MARK4: variants seen among roughly 807,000 people sequenced by gnomAD.
MARK4 encodes the protein MAP/microtubule affinity-regulating kinase 4.
MARK4 carries 19 observed loss-of-function variants against 81.5 expected under a neutral mutation model. That is an observed-to-expected ratio of 0.23 (90% CI 0.16 to 0.34). MARK4 has a LOEUF of 0.34. MARK4 is among the 10% of genes least tolerant of loss of function. The pLI, the probability that MARK4 is intolerant of heterozygous loss-of-function variation, is 1.00. For synonymous variants in MARK4, 436 were observed against 439.0 expected (o/e 0.99, Z 0.08); for missense variants, 772 against 1,058.8 (o/e 0.73, Z 3.76).
rs567213315 is a variant in MARK4, at chr19:45,281,144, A to T, written c.1276+410A>T. ...CTTGGCTGATGGCAACCTCTGCTGC[A>T]CAGGTTCAAGCGATTCTTCTGCCTT... On this transcript the variant is annotated intron_variant, in intron 12 of 16. Transcript: ENST00000262891. Among the ~76,000 whole-genome samples the T allele has an allele frequency of 2.0e-5, 3 of 149,960 alleles. No individual in the cohort carries two copies. The South Asian group carries it at 6.3e-4, about 32-fold the overall frequency.
chr19:45,252,077 G>A lies in MARK4; in HGVS notation c.51+438G>A, dbSNP rs1970250841. Among the ~76,000 whole-genome samples, 3 of 151,828 alleles carry A rather than the reference G, an allele frequency of 2.0e-5. No homozygotes were observed. In the South Asian group the frequency reaches 6.2e-4, roughly 32 times the overall value. ...CAGGGCCTGGCCCAGTCCTGCCTCTGGCTCCGGCCTTCCCTGTCTGGGGCT... is the reference window on the plus strand; with the variant it reads ...CAGGGCCTGGCCCAGTCCTGCCTCTAGCTCCGGCCTTCCCTGTCTGGGGCT... On this transcript the variant is annotated intron_variant, in intron 1 of 16. Transcript: ENST00000262891.
chr19:45,280,481 G>C lies in MARK4; in HGVS notation c.1114G>C (p.Glu372Gln). 6.2e-7 allele frequency: 1 copy of C among 1,614,188 alleles called. No individual in the cohort carries two copies. Among genetic ancestry groups the C allele is most frequent in the Non-Finnish European group, 8.5e-7 (1 of 1,180,030 alleles). The change falls in exon 11 of 17, where the codon GAG becomes CAG. Residue 372 changes from glutamate (E) to glutamine (Q), a missense_variant and splice_region_variant. By Grantham distance (29) the Glu-to-Gln change is conservative. Coordinates refer to ENST00000262891, the MANE Select transcript of MARK4 (RefSeq NM_001199867.2). ...CTACCTCCTGCTGGGCAGGAAGACT[G>C]AGGTCAGGGGGCGCCAGGGGCCCTT... ...ATYLLLGRKT[E>Q]EGGDRGAPGL...
rs766092953 is a variant in MARK4 at position 45,271,760 on chromosome 19, C to A, written c.786+52C>A. 1 of 1,521,306 alleles carries A rather than the reference C, an allele frequency of 6.6e-7. No homozygotes were observed. The highest frequency in any genetic ancestry group is 9.0e-7 in the Non-Finnish European group (1 of 1,111,622). 94.2% of individuals were successfully genotyped at this position (1,521,306 alleles called of 1,614,324 possible). A position where few individuals can be genotyped will look rare whatever the true frequency, so the allele number is the denominator to read the frequency against. On this transcript the variant is annotated intron_variant, in intron 8 of 16. Coordinates refer to ENST00000262891, the MANE Select transcript of MARK4 (RefSeq NM_001199867.2). The surrounding 1 kb of genome is among the most constrained non-coding windows in gnomAD (Gnocchi z 4.1). ...CATCAGCCCCTCCCCACAGTCAGGC[C>A]CCTATCCCCCCCACACCTCCCCTGC...
intron 8 of MARK4, among the ~76,000 whole-genome samples, chr19:45,277,222 C>T (rs1364310597): frequency 2.0e-5 from 3 of 151,848 alleles, no homozygotes; most frequent in East Asian, 3.9e-4. Flanking sequence ...GGACTACAGG[C>T]AGCCACCACC....
chr19:45,301,188 C>T (rs1970966705), intron 16 of MARK4, among the ~76,000 whole-genome samples: 1 of 152,152 alleles, frequency 6.6e-6, no homozygotes, highest in African/African-American at 2.4e-5. Flanking sequence ...GAGGCCAAGG[C>T]AGGAGGATCA....
rs1414502615 is a variant in MARK4 at position 45,302,239 on chromosome 19, C to G, written c.1923-135C>G. 1.3e-6 allele frequency: 2 copies of G among 1,538,196 alleles called. No individual in the cohort carries two copies. The highest frequency in any genetic ancestry group is 1.7e-6 in the Non-Finnish European group (2 of 1,142,970). On this transcript the variant is annotated intron_variant, in intron 16 of 16. Transcript: ENST00000262891. This position sits in a 1 kb window ranked among gnomAD's most constrained non-coding sequence, Gnocchi z 4.9. ...GCTCTGTATCCAGTTGAAACTGTCGCTGGGGTAACAGGGGAAGATGTTTTT... is the reference window on the plus strand; with the variant it reads ...GCTCTGTATCCAGTTGAAACTGTCGGTGGGGTAACAGGGGAAGATGTTTTT...
At chr19:45,279,571 G>T (rs1878191671) in intron 10 of MARK4, among the ~76,000 whole-genome samples, 1 of 152,126 alleles carries the variant, frequency 6.6e-6, no homozygotes, top group Non-Finnish European at 1.5e-5. Context: ...AATTACTTTT[G>T]TATCAACCTA....
Position 45,277,903 on chromosome 19 carries a change from C to T in MARK4, c.787-20C>T. On this transcript the variant is annotated intron_variant, in intron 8 of 16. Transcript: ENST00000262891. ...GGGGGGCGGGGCAGACCCCCTCCTCCAGTAACCCCATCCCTGCAGGAGCTG... is the reference window on the plus strand; with the variant it reads ...GGGGGGCGGGGCAGACCCCCTCCTCTAGTAACCCCATCCCTGCAGGAGCTG... 6.2e-7 allele frequency: 1 copy of T among 1,606,764 alleles called. No homozygotes were observed. Among genetic ancestry groups the T allele is most frequent in the Non-Finnish European group, 8.5e-7 (1 of 1,176,818 alleles).
At chr19:45,253,307 A>G (rs1317544986) in intron 1 of MARK4, among the ~76,000 whole-genome samples, 1 of 152,110 alleles carries the variant, frequency 6.6e-6, no homozygotes, top group African/African-American at 2.4e-5. Context: ...TTGGAGTCTA[A>G]TGAAATGCCT....
intron 12 of MARK4, among the ~76,000 whole-genome samples, chr19:45,284,992 G>A (rs1334641110): frequency 2.0e-5 from 3 of 152,156 alleles, no homozygotes; most frequent in African/African-American, 7.2e-5. Flanking sequence ...TTGGGAGGCT[G>A]AGGCAGGAGA....
At chr19:45,253,217 A>G (rs559586914) in intron 1 of MARK4, among the ~76,000 whole-genome samples, 3 of 147,532 alleles carry the variant, frequency 2.0e-5, no homozygotes, top group South Asian at 4.2e-4. Context: ...AGAGAGATTT[A>G]TATCTGTCCC....
chr19:45,258,777 G>A (rs1404947452), intron 1 of MARK4: 1 of 574,982 alleles, frequency 1.7e-6, no homozygotes, highest in African/African-American at 1.9e-5. Flanking sequence ...GATGCCTGGG[G>A]CCCTGAATGT....
At chr19:45,256,789 T>A (rs1970312899) in intron 1 of MARK4, among the ~76,000 whole-genome samples, 1 of 152,236 alleles carries the variant, frequency 6.6e-6, no homozygotes. Context: ...TTCTACAAAT[T>A]GAAGGTTTCT....
intron 12 of MARK4, among the ~76,000 whole-genome samples, chr19:45,284,455 T>G (rs1171882963): frequency 6.6e-6 from 1 of 152,020 alleles, no homozygotes; most frequent in Non-Finnish European, 1.5e-5. Flanking sequence ...CCCGAGTAGC[T>G]GGGACTATAG....
intron 15 of MARK4, chr19:45,298,266 G>A: frequency 6.3e-7 from 1 of 1,592,180 alleles, no homozygotes; most frequent in East Asian, 2.2e-5. Flanking sequence ...CTGCCTCCCT[G>A]CCTGCATGTC....
intron 12 of MARK4, among the ~76,000 whole-genome samples, chr19:45,287,159 G>A (rs1467124405): frequency 4.3e-5 from 6 of 140,876 alleles, no homozygotes; most frequent in South Asian, 2.2e-4. Context: ...AGCGGAGATC[G>A]CACCACTGCA....
chr19:45,302,502 C>T lies in MARK4; in HGVS notation c.2051C>T (p.Ala684Val). The T allele has an allele frequency of 3.1e-6, 5 of 1,604,892 alleles. No individual in the cohort carries two copies. The highest frequency in any genetic ancestry group is 4.2e-6 in the Non-Finnish European group (5 of 1,179,010). Reference sequence around the variant, plus strand: ...GCTCTGCGCCAGGCCACAGCAGCCGCCCGCTGCCGCTGCCGCCAGCCACAG... The same window carrying T: ...GCTCTGCGCCAGGCCACAGCAGCCGTCCGCTGCCGCTGCCGCCAGCCACAG... ...MAALRQATAA[A>V]RCRCRQPQPF... The change falls in exon 17 of 17, where the codon GCC (alanine) becomes GTC (valine). Residue 684 changes from alanine to valine, a missense_variant. By Grantham distance (64) the Ala-to-Val change is moderately conservative. Coordinates refer to ENST00000262891, the MANE Select transcript of MARK4 (RefSeq NM_001199867.2). This position sits in a 1 kb window ranked among gnomAD's most constrained non-coding sequence, Gnocchi z 4.9.
At chr19:45,282,348 C>T (rs1463986397) in intron 12 of MARK4, among the ~76,000 whole-genome samples, 1 of 151,858 alleles carries the variant, frequency 6.6e-6, no homozygotes, top group South Asian at 2.1e-4. Flanking sequence ...TTTTTTTTAA[C>T]GGCTTTATTA....
chr19:45,301,685 C>T (rs1970975322), intron 16 of MARK4, among the ~76,000 whole-genome samples: 1 of 150,842 alleles, frequency 6.6e-6, no homozygotes, highest in Non-Finnish European at 1.5e-5. Context: ...ACGGTGAAAC[C>T]GTGTCTCTAC....
Sources: allele counts gnomAD v4.1 joint callset (sites outside exome capture counted in the v4.1 genomes callset), GRCh38; gene constraint gnomAD v4.1.1; non-coding constraint Gnocchi (gnomAD v3.1); transcripts MANE v1.5; gene names NCBI Gene and HGNC (gene_info 2026-07-23, HGNC 2026-07-21).